ANO8: variants seen among roughly 807,000 people sequenced by gnomAD.
The protein encoded by ANO8 is anoctamin 8, also known as anoctamin-8.
ANO8 carries 67 observed loss-of-function variants against 120.4 expected under a neutral mutation model. The ratio of observed to expected loss-of-function variants is 0.56; its 90% CI spans 0.46 to 0.68. The LOEUF is 0.68. ANO8 is among the 30% of genes least tolerant of loss of function. The pLI, the probability that ANO8 is intolerant of heterozygous loss-of-function variation, is 0.00. For synonymous variants in ANO8, 727 were observed against 759.2 expected (o/e 0.96, Z 0.70); for missense variants, 1,526 against 1,737.6 (o/e 0.88, Z 2.16).
intron 16 of ANO8, among the ~76,000 whole-genome samples, chr19:17,326,118 C>G (rs1211007036): frequency 6.6e-6 from 1 of 152,204 alleles, no homozygotes; most frequent in Non-Finnish European, 1.5e-5. Context: ...CTGTCCCCGG[C>G]TGTGTGCCAG....
In ANO8 at chr19:17,327,427, G is replaced by A; in HGVS notation, c.2550+11C>T. ...CCTCCCAGCTGCCCCCGCCCCTGTC[G>A]CCGGCCCCACCTCGAGCACTACCAC... On this transcript the variant is annotated intron_variant, in intron 15 of 17. Coordinates refer to ENST00000159087, the MANE Select transcript of ANO8 (RefSeq NM_020959.3). The A allele has an allele frequency of 3.1e-6, 5 of 1,597,176 alleles. No homozygotes were observed. The highest frequency in any genetic ancestry group is 1.1e-5 in the South Asian group (1 of 89,462).
Position 17,323,493 on chromosome 19 carries a change from G to C in ANO8, c.*24C>G. On this transcript the variant is annotated 3_prime_UTR_variant, in exon 18 of 18. Transcript: ENST00000159087. ...TGTGAATGACTGATATTGCATATGA[G>C]AAGAGAAGGCAGGGCGGGTAGAGCT... 6 of 1,290,820 alleles carry C rather than the reference G, an allele frequency of 4.6e-6. No homozygotes were observed. Among genetic ancestry groups the C allele is most frequent in the Non-Finnish European group, 3.9e-6 (4 of 1,018,646 alleles). The allele number at this position is 1,290,820 out of a possible 1,614,324, so 80.0% of individuals were successfully genotyped here. A position where few individuals can be genotyped will look rare whatever the true frequency, so the allele number is the denominator to read the frequency against.
Position 17,331,102 on chromosome 19 carries a change from T to A in ANO8, c.817A>T (p.Thr273Ser), listed in dbSNP as rs2074314768. Reference sequence around the variant, plus strand: ...CTGCCCAGTACCTGATCAGCCTCTGTGAATGTGTACAGGACAGACCCGAAG... The same window carrying A: ...CTGCCCAGTACCTGATCAGCCTCTGAGAATGTGTACAGGACAGACCCGAAG... ...AVFGSVLYTF[T>S]EADQTSRDVS... The change falls in exon 7 of 18, where the codon ACA becomes TCA. Residue 273 changes from threonine (T) to serine (S), a missense_variant. By Grantham distance (58) the Thr-to-Ser change is moderately conservative. Around this residue, in one of 8 missense-constraint regions of ANO8, gnomAD observed 322 missense variants for 431.8 expected, o/e 0.75. Transcript: ENST00000159087. 1 of 1,614,174 alleles carries A rather than the reference T, an allele frequency of 6.2e-7. No individual in the cohort carries two copies. Among genetic ancestry groups the A allele is most frequent in the Non-Finnish European group, 8.5e-7 (1 of 1,180,020 alleles).
At chr19:17,329,311 T>G in intron 12 of ANO8, 1 of 353,384 alleles carries the variant, frequency 2.8e-6, no homozygotes, top group Non-Finnish European at 5.1e-6. Flanking sequence ...GACCCCAGAT[T>G]CCCTCCGCGC....
Position 17,333,341 on chromosome 19 carries a change from G to A in ANO8, c.350+81C>T, listed in dbSNP as rs2074333939. On this transcript the variant is annotated intron_variant, in intron 3 of 17. Transcript: ENST00000159087. The surrounding 1 kb of genome is among the most constrained non-coding windows in gnomAD (Gnocchi z 7.2). ...GCAGCCTTTGGGACAAACGCAGGGC[G>A]GCTGGATAGCATGGTTGGCACTTGG... The A allele has an allele frequency of 3.1e-6, 5 of 1,607,442 alleles. No individual in the cohort carries two copies. The East Asian group carries it at 6.7e-5, about 22-fold the overall frequency.
At chr19:17,327,628 C>T in intron 14 of ANO8, 59 bp from the exon 15 acceptor site, 1 of 1,608,284 alleles carries the variant, frequency 6.2e-7, no homozygotes, top group South Asian at 1.1e-5. Context: ...ACCCCAGGCT[C>T]CTCCCAGCTG....
rs1392854211 is a variant in ANO8 at position 17,324,777 on chromosome 19, G to C, written c.3271C>G (p.Pro1091Ala). Residue 1091 changes from proline (P) to alanine (A), a missense_variant, in exon 17 of 18, where the codon CCG (proline) becomes GCG (alanine). This residue lies in a region of ANO8 where 489 missense variants were observed against 548.6 expected (regional missense o/e 0.89). Coordinates refer to ENST00000159087, the MANE Select transcript of ANO8 (RefSeq NM_020959.3). Reference sequence around the variant, plus strand: ...TCCTCAGCCAGGGCCTCGTCCACCGGCCCACTCCTCTGAACCCGGCTGCTG... The same window carrying C: ...TCCTCAGCCAGGGCCTCGTCCACCGCCCCACTCCTCTGAACCCGGCTGCTG... Reference protein sequence around the residue: ...SGSSRVQRSGPVDEALAEELE... With the variant: ...SGSSRVQRSGAVDEALAEELE... The C allele has an allele frequency of 6.4e-7, 1 of 1,567,180 alleles. No individual in the cohort carries two copies. The highest frequency in any genetic ancestry group is 8.6e-7 in the Non-Finnish European group (1 of 1,157,230).
At chr19:17,331,479 G>T in intron 5 of ANO8, 68 bp from the exon 6 acceptor site, 1 of 1,442,490 alleles carries the variant, frequency 6.9e-7, no homozygotes, top group Non-Finnish European at 9.7e-7. Flanking sequence ...GCCCCTCTTT[G>T]TCTGAAACCC....
In ANO8 at chr19:17,334,839, G is replaced by A; in HGVS notation, c.-169C>T. ...CGAGCGCTGCTTCTCGTCCCCGCCC[G>A]AGCCGAACCTCGATTCTCCTTCCCG... On this transcript the variant is annotated 5_prime_UTR_variant, in exon 1 of 18. Coordinates refer to ENST00000159087, the MANE Select transcript of ANO8 (RefSeq NM_020959.3). The A allele has an allele frequency of 7.8e-7, 1 of 1,285,576 alleles. No individual in the cohort carries two copies. The highest frequency in any genetic ancestry group is 1.6e-5 in the South Asian group (1 of 62,222). 79.6% of individuals were successfully genotyped at this position (1,285,576 alleles called of 1,614,324 possible). A position where few individuals can be genotyped will look rare whatever the true frequency, so the allele number is the denominator to read the frequency against.
chr19:17,331,923 G>A (rs187693236), intron 5 of ANO8, among the ~76,000 whole-genome samples: 3,146 of 136,840 alleles, frequency 0.023, 48 homozygotes, highest in Non-Finnish European at 0.035. Flanking sequence ...GTGAGCCACC[G>A]CGCCCGGCTT....
chr19:17,332,483 G>T (rs983126346), intron 5 of ANO8, among the ~76,000 whole-genome samples: 2 of 152,124 alleles, frequency 1.3e-5, no homozygotes, highest in African/African-American at 4.8e-5. Flanking sequence ...GGTGAACTTG[G>T]GTGCCTAGTT....
rs781713967 is a variant in ANO8 at position 17,331,237 on chromosome 19, T to G, written c.704-22A>C. The G allele has an allele frequency of 2.4e-5, 39 of 1,613,992 alleles. 1 individual carries two copies. Among genetic ancestry groups the G allele is most frequent in the Middle Eastern group, 1.6e-4 (1 of 6,084 alleles). ...TCATCTGCCAGGGGACAAGTGGGTC[T>G]CAGTCACCCCCTGCCTGTCTGCTGG... On this transcript the variant is annotated intron_variant, in intron 6 of 17. Coordinates refer to ENST00000159087, the MANE Select transcript of ANO8 (RefSeq NM_020959.3).
chr19:17,328,592 T>A lies in ANO8; in HGVS notation c.1796A>T (p.Glu599Val). Residue 599 changes from glutamate to valine, a missense_variant, in exon 13 of 18, where the codon GAG (glutamate) becomes GTG (valine). Glu to Val is a moderately radical substitution (Grantham distance 121, BLOSUM62 -2). Transcript: ENST00000159087. ...GAGGCCCCCTTCCTCGCCCTCCTCC[T>A]CGTCCTCCTCTTCCTCCTCGTCCTC... is the stretch of plus-strand genomic sequence containing the variant. ...EEEDEEEEEDEEEGEEGGLLD... is the reference protein window; with the variant it reads ...EEEDEEEEEDVEEGEEGGLLD... 6.5e-7 allele frequency: 1 copy of A among 1,544,966 alleles called. No individual in the cohort carries two copies. Among genetic ancestry groups the A allele is most frequent in the Non-Finnish European group, 8.7e-7 (1 of 1,145,246 alleles).
rs773922044 is a variant in ANO8, at chr19:17,331,448, C to T, written c.587-37G>A. The T allele has an allele frequency of 3.4e-5, 54 of 1,590,978 alleles. 1 individual carries two copies. The Middle Eastern group carries it at 5.2e-4, about 15-fold the overall frequency. On this transcript the variant is annotated intron_variant, in intron 5 of 17. Coordinates refer to ENST00000159087, the MANE Select transcript of ANO8 (RefSeq NM_020959.3). ...GGAGCACAGGTGATCCCCGCCCCTC[C>T]ACCTGTGCCTAGCCTGGCTAGCCCC... is the stretch of plus-strand genomic sequence containing the variant.
chr19:17,328,328 C>CGGCCCT lies in ANO8; in HGVS notation c.2054_2059dup (p.Gly686_Arg687insGlnGly). 6.3e-7 allele frequency: 1 copy of CGGCCCT among 1,588,634 alleles called. No individual in the cohort carries two copies. The highest frequency in any genetic ancestry group is 8.5e-7 in the Non-Finnish European group (1 of 1,170,364). On this transcript the variant is annotated inframe_insertion, in exon 13 of 18. Transcript: ENST00000159087. ...CGGGCCCCCGTCGGGCCCCTGGTCTCGGCCCTCGCCCCCGGCCCGGCGGAA... is the reference window on the plus strand; with the variant it reads ...CGGGCCCCCGTCGGGCCCCTGGTCTCGGCCCTGGCCCTCGCCCCCGGCCCGGCGGAA...
chr19:17,328,848 C>G lies in ANO8; in HGVS notation c.1540G>C (p.Gly514Arg), dbSNP rs757173053. ...GCAGGGCGCCGGAGGCTCAGGAGGC[C>G]AAGCAGGGCTCGGGCCAGCTCCCAG... ...AVWELARALL[G>R]LLSLRRPAPR... Residue 514 changes from glycine to arginine, a missense_variant, in exon 13 of 18, where the codon GGC (glycine) becomes CGC (arginine). Around this residue, in one of 8 missense-constraint regions of ANO8, gnomAD observed 467 missense variants for 425.8 expected, o/e 1.10. Transcript: ENST00000159087. The G allele has an allele frequency of 4.1e-5, 61 of 1,482,330 alleles. No homozygotes were observed. The Middle Eastern group carries it at 7.1e-4, about 17-fold the overall frequency. 91.8% of individuals were successfully genotyped at this position (1,482,330 alleles called of 1,614,324 possible). A position where few individuals can be genotyped will look rare whatever the true frequency, so the allele number is the denominator to read the frequency against.
At chr19:17,327,944 C>A in intron 13 of ANO8, 64 bp from the exon 14 acceptor site, 1 of 1,569,370 alleles carries the variant, frequency 6.4e-7, no homozygotes, top group Non-Finnish European at 8.7e-7. Flanking sequence ...TCCCATTGAG[C>A]CCGCCTCCCT....
rs908096761 is a variant in ANO8, at chr19:17,329,129, C to T, written c.1405-146G>A. The T allele has an allele frequency of 1.5e-5, 9 of 599,880 alleles. No individual in the cohort carries two copies. In the South Asian group the frequency reaches 2.0e-4, roughly 13 times the overall value. The allele number at this position is 599,880 out of a possible 1,614,324, so 37.2% of individuals were successfully genotyped here. On this transcript the variant is annotated intron_variant, in intron 12 of 17. Transcript: ENST00000159087. The stretch of plus-strand genomic sequence containing the variant: ...GTTCCTAACTCCGCTGCTTTGGACG[C>T]GCCTCGACGCGAGGCCCCCAGCGCT...
At chr19:17,332,072 C>T (rs1342097675) in intron 5 of ANO8, among the ~76,000 whole-genome samples, 2 of 149,852 alleles carry the variant, frequency 1.3e-5, no homozygotes, top group East Asian at 2.0e-4. Context: ...GTAGCTGGGA[C>T]TACAGGCGCG....
Sources: allele counts gnomAD v4.1 joint callset (sites outside exome capture counted in the v4.1 genomes callset), GRCh38; gene constraint gnomAD v4.1.1; regional missense constraint gnomAD v4.1.1; non-coding constraint Gnocchi (gnomAD v3.1); transcripts MANE v1.5; gene names NCBI Gene and HGNC (gene_info 2026-07-23, HGNC 2026-07-21).